MAML3: variants seen among roughly 807,000 people sequenced by gnomAD.
The protein encoded by MAML3 is mastermind-like protein 3.
Under a neutral mutation model 101.9 loss-of-function variants are expected in MAML3, and 27 were observed. That is an observed-to-expected ratio of 0.27 (90% CI 0.20 to 0.37). The LOEUF (loss-of-function observed/expected upper bound fraction) is 0.37, where lower values mean the gene tolerates loss of function less well. MAML3 is among the 10% of genes least tolerant of loss of function. MAML3 has a pLI of 1.00. For missense variants in MAML3, 1,316 were observed against 1,444.9 expected, an observed-to-expected ratio of 0.91 and a Z score of 1.45; for synonymous variants, 501 against 555.9, an observed-to-expected ratio of 0.90 and a Z score of 1.39.
rs200588139 is a variant in MAML3 at position 139,823,632 on chromosome 4, TC to T, written c.2079+65724del. Among the ~76,000 whole-genome samples, 1,294 of 152,188 alleles carry T rather than the reference TC, an allele frequency of 8.5e-3. 12 individuals carry two copies. The highest frequency in any genetic ancestry group is 0.015 in the Admixed American group (228 of 15,280). Reference sequence around the variant, plus strand: ...CAGCGTCTAAGCCTAGTGCCCTGGATCATCATTCCGCCTTCCCTCACCCCGC... The same window carrying T: ...CAGCGTCTAAGCCTAGTGCCCTGGATATCATTCCGCCTTCCCTCACCCCGC... On this transcript the variant is annotated intron_variant, in intron 2 of 4. Coordinates refer to ENST00000509479, the MANE Select transcript of MAML3 (RefSeq NM_018717.5).
chr4:139,955,894 C>T (rs1048779661), intron 1 of MAML3, among the ~76,000 whole-genome samples: 3 of 152,076 alleles, frequency 2.0e-5, no homozygotes, highest in African/African-American at 4.8e-5. Context: ...AGCCTGGGCC[C>T]CTGAGTGCCT....
In MAML3 at chr4:139,817,324, C is replaced by T. The variant is rs111717555; in HGVS notation, c.2079+72033G>A. ...CTCAGGGGTCACCATATCTCCCCTT[C>T]GAGAATAATTTTTTTTCCGTGGCTT... On this transcript the variant is annotated intron_variant, in intron 2 of 4. Transcript: ENST00000509479. Among the ~76,000 whole-genome samples, 415 of 152,296 alleles carry T rather than the reference C, an allele frequency of 2.7e-3. 2 individuals are homozygous for T. Among genetic ancestry groups the T allele is most frequent in the Non-Finnish European group, 4.0e-3 (273 of 68,030 alleles).
At chr4:139,852,113 T>C (rs2111156545) in intron 2 of MAML3, among the ~76,000 whole-genome samples, 1 of 152,298 alleles carries the variant, frequency 6.6e-6, no homozygotes, top group South Asian at 2.1e-4. Context: ...AATTTGGAAG[T>C]ACAAACTTTG....
intron 1 of MAML3, among the ~76,000 whole-genome samples, chr4:140,107,288 T>C (rs932287583): frequency 3.9e-5 from 6 of 152,088 alleles, no homozygotes; most frequent in African/African-American, 1.4e-4. Flanking sequence ...ACAATGAAAA[T>C]ATATTGGTCA....
chr4:139,804,269 A>AT (rs57217528), intron 2 of MAML3, among the ~76,000 whole-genome samples: 51,384 of 146,676 alleles, frequency 0.35, 9,101 homozygotes, highest in East Asian at 0.58. Flanking sequence ...CTCACTAAGG[A>AT]TTTTTTTTTT....
chr4:139,911,338 C>G (rs1479038227), intron 1 of MAML3, among the ~76,000 whole-genome samples: 2 of 152,086 alleles, frequency 1.3e-5, no homozygotes, highest in Non-Finnish European at 2.9e-5. Context: ...CTGCCTCAGC[C>G]TCCTGAGTGG....
At chr4:140,133,126 T>G in intron 1 of MAML3, 1 of 440,868 alleles carries the variant, frequency 2.3e-6, no homozygotes, top group Non-Finnish European at 4.6e-6. Context: ...TGGTAAATAT[T>G]TATTTACAGT....
chr4:140,067,610 C>T (rs1043393566), intron 1 of MAML3, among the ~76,000 whole-genome samples: 2 of 152,088 alleles, frequency 1.3e-5, no homozygotes, highest in Non-Finnish European at 2.9e-5. Flanking sequence ...CAAGATTAGG[C>T]AGCTAATTCT....
chr4:139,907,932 A>G (rs1732849058), intron 1 of MAML3, among the ~76,000 whole-genome samples: 2 of 152,232 alleles, frequency 1.3e-5, no homozygotes, highest in Non-Finnish European at 1.5e-5. Context: ...CAGGTTACAT[A>G]TAGAAGCCGT....
intron 1 of MAML3, among the ~76,000 whole-genome samples, chr4:139,899,151 C>T (rs1336246940): frequency 6.6e-6 from 1 of 152,138 alleles, no homozygotes; most frequent in African/African-American, 2.4e-5. Context: ...AAATTCTGAT[C>T]TAGATTAATA....
At chr4:139,775,198 C>G (rs1452199737) in intron 2 of MAML3, among the ~76,000 whole-genome samples, 2 of 152,134 alleles carry the variant, frequency 1.3e-5, no homozygotes, top group African/African-American at 4.8e-5. Flanking sequence ...CCTAGGTAAA[C>G]TGGGAAATAT....
At chr4:140,112,210 A>G (rs774491500) in intron 1 of MAML3, among the ~76,000 whole-genome samples, 1 of 152,076 alleles carries the variant, frequency 6.6e-6, no homozygotes, top group Non-Finnish European at 1.5e-5. Context: ...TGATGGTTAA[A>G]TTCTCCCAAT....
At chr4:140,039,347 A>G (rs1016954023) in intron 1 of MAML3, among the ~76,000 whole-genome samples, 6 of 152,018 alleles carry the variant, frequency 3.9e-5, no homozygotes, top group African/African-American at 7.3e-5. Flanking sequence ...TCAATTGGGC[A>G]TGTTCTAGCG....
intron 2 of MAML3, among the ~76,000 whole-genome samples, chr4:139,819,606 T>C (rs1323699302): frequency 6.6e-6 from 1 of 152,234 alleles, no homozygotes; most frequent in African/African-American, 2.4e-5. Context: ...CCAATTGGAC[T>C]ATACTGCCAC....
At chr4:139,803,593 T>C (rs987269727) in intron 2 of MAML3, among the ~76,000 whole-genome samples, 3 of 152,170 alleles carry the variant, frequency 2.0e-5, no homozygotes, top group African/African-American at 7.2e-5. Context: ...GATGACATGT[T>C]TGGTGTATGC....
At chr4:140,149,587 CA>C (rs1305305430) in intron 1 of MAML3, among the ~76,000 whole-genome samples, 1 of 152,200 alleles carries the variant, frequency 6.6e-6, no homozygotes, top group Non-Finnish European at 1.5e-5. Context: ...GTACTTCGGA[CA>C]TATTGGTCCT....
At chr4:139,956,657 C>T (rs1733922412) in intron 1 of MAML3, among the ~76,000 whole-genome samples, 1 of 152,202 alleles carries the variant, frequency 6.6e-6, no homozygotes, top group Non-Finnish European at 1.5e-5. Flanking sequence ...CAGACTCCAC[C>T]CCTGCACAAA....
intron 2 of MAML3, among the ~76,000 whole-genome samples, chr4:139,789,906 A>G (rs1730374375): frequency 6.6e-6 from 1 of 152,034 alleles, no homozygotes; most frequent in Non-Finnish European, 1.5e-5. Context: ...GTGACTGAGA[A>G]GCTTGTGAAC....
chr4:140,050,994 G>C (rs1443043351), intron 1 of MAML3, among the ~76,000 whole-genome samples: 1 of 152,182 alleles, frequency 6.6e-6, no homozygotes, highest in Non-Finnish European at 1.5e-5. Context: ...ACAATAGCTT[G>C]TTAGTTAATC....
Sources: gnomAD v4.1 joint callset for allele counts (sites outside exome capture counted in the v4.1 genomes callset) on GRCh38, gnomAD v4.1.1 for gene constraint, MANE v1.5 for transcripts, NCBI Gene and HGNC (gene_info 2026-07-23, HGNC 2026-07-21) for gene names.